MLLT10: variants seen among roughly 807,000 people sequenced by gnomAD.
The protein encoded by MLLT10 is MLLT10 histone lysine methyltransferase DOT1L cofactor.
MLLT10 carries 30 observed loss-of-function variants against 129.1 expected under a neutral mutation model. The ratio of observed to expected loss-of-function variants is 0.23; its 90% confidence interval spans 0.17 to 0.32. MLLT10 has a LOEUF of 0.32. MLLT10 is among the 10% of genes least tolerant of loss of function. The pLI, the probability that MLLT10 is intolerant of heterozygous loss-of-function variation, is 1.00. For synonymous variants in MLLT10, 490 were observed against 446.4 expected (o/e 1.10, Z -1.23); for missense variants, 1,119 against 1,268.3 (o/e 0.88, Z 1.79).
At chr10:21,670,377 T>C in intron 9 of MLLT10, 72 bp from the exon 10 acceptor site, 1 of 1,406,640 alleles carries the variant, frequency 7.1e-7, no homozygotes, top group Non-Finnish European at 9.6e-7. Context: ...CTTATTAATG[T>C]GGCACCCATT....
At chr10:21,535,460 C>CA (rs2033790717) in intron 2 of MLLT10, among the ~76,000 whole-genome samples, 2 of 152,048 alleles carry the variant, frequency 1.3e-5, no homozygotes, top group Admixed American at 1.3e-4. Context: ...GGGGCTGCTG[C>CA]AGCGCCTGTG....
At chr10:21,688,551 CT>C (rs1268330033) in intron 13 of MLLT10, 9 of 1,608,188 alleles carry the variant, frequency 5.6e-6, no homozygotes, top group Non-Finnish European at 5.1e-6. Flanking sequence ...ATGTACCAAA[CT>C]CCAGCATGGT....
At chr10:21,582,286 T>G (rs1363890304) in intron 3 of MLLT10, among the ~76,000 whole-genome samples, 2 of 151,814 alleles carry the variant, frequency 1.3e-5, no homozygotes, top group African/African-American at 4.8e-5. Flanking sequence ...TGCAGCTAAT[T>G]TTTTTGTGTT....
At chr10:21,624,201 C>G (rs1272179686) in intron 8 of MLLT10, among the ~76,000 whole-genome samples, 2 of 152,080 alleles carry the variant, frequency 1.3e-5, no homozygotes, top group Non-Finnish European at 2.9e-5. Flanking sequence ...ATAGCACTAG[C>G]TTGTATTTTT....
At chr10:21,641,552 A>G (rs563748974) in intron 8 of MLLT10, among the ~76,000 whole-genome samples, 1 of 152,278 alleles carries the variant, frequency 6.6e-6, no homozygotes, top group South Asian at 2.1e-4. Flanking sequence ...GCTACTCCGG[A>G]GGCTGAGGTG....
intron 8 of MLLT10, among the ~76,000 whole-genome samples, chr10:21,639,099 A>C (rs1433919439): frequency 6.6e-6 from 1 of 152,176 alleles, no homozygotes; most frequent in South Asian, 2.1e-4. Flanking sequence ...CATACCCCTA[A>C]CAGCATTATA....
At chr10:21,584,843 C>CAT (rs567580758) in intron 3 of MLLT10, among the ~76,000 whole-genome samples, 1 of 150,808 alleles carries the variant, frequency 6.6e-6, no homozygotes, top group Non-Finnish European at 1.5e-5. Context: ...TACATACACA[C>CAT]ATATATATAC....
At position 21,733,924 on chromosome 10, in the gene MLLT10, G is replaced by T; in HGVS notation, c.2653G>T (p.Val885Leu). Residue 885 changes from valine to leucine, a missense_variant, in exon 20 of 23, where the codon GTA becomes TTA. Transcript: ENST00000307729. Reference protein sequence around the residue: ...VGALASGMQPVTSTIPAVSAV... With the variant: ...VGALASGMQPLTSTIPAVSAV... Reference sequence around the variant, plus strand: ...GGCACTAGCTAGTGGAATGCAGCCTGTAACTTCCACCATTCCTGCCGTGTC... The same window carrying T: ...GGCACTAGCTAGTGGAATGCAGCCTTTAACTTCCACCATTCCTGCCGTGTC... The T allele has an allele frequency of 6.2e-7, 1 of 1,614,170 alleles. No homozygotes were observed. Among genetic ancestry groups the T allele is most frequent in the Non-Finnish European group, 8.5e-7 (1 of 1,180,038 alleles).
chr10:21,587,887 A>C (rs966143065), intron 4 of MLLT10, among the ~76,000 whole-genome samples: 4 of 152,212 alleles, frequency 2.6e-5, no homozygotes, highest in Admixed American at 1.3e-4. Flanking sequence ...TTTTCCTGCT[A>C]CTATGTAATA....
At chr10:21,738,609 C>G (rs745854640) in intron 21 of MLLT10, 74 of 1,183,202 alleles carry the variant, frequency 6.3e-5, no homozygotes, top group Non-Finnish European at 7.6e-5. Context: ...GACACTCTTG[C>G]TTGACTCTGC....
chr10:21,562,490 A>G (rs181189183), intron 3 of MLLT10, among the ~76,000 whole-genome samples: 70 of 151,856 alleles, frequency 4.6e-4, no homozygotes, highest in African/African-American at 1.7e-3. Context: ...GGTGCCCGCC[A>G]TCACGCCCGG....
chr10:21,624,856 C>G (rs533432431), intron 8 of MLLT10: 534 of 1,113,956 alleles, frequency 4.8e-4, no homozygotes, highest in Admixed American at 7.9e-4. Flanking sequence ...GCAGGACCCC[C>G]TCTGCCACCC....
intron 13 of MLLT10, among the ~76,000 whole-genome samples, chr10:21,712,509 AATTTATTT>A (rs952606113): frequency 6.6e-6 from 1 of 152,068 alleles, no homozygotes; most frequent in Non-Finnish European, 1.5e-5. Flanking sequence ...TACAGTTGCT[AATTTATTT>A]ATTTATTTCT....
intron 8 of MLLT10, among the ~76,000 whole-genome samples, chr10:21,628,188 G>A (rs567251199): frequency 6.6e-6 from 1 of 152,118 alleles, no homozygotes; most frequent in Non-Finnish European, 1.5e-5. Flanking sequence ...AGGTTTTATT[G>A]TATGGGAACA....
At chr10:21,558,608 A>T (rs1167759894) in intron 3 of MLLT10, among the ~76,000 whole-genome samples, 1 of 150,680 alleles carries the variant, frequency 6.6e-6, no homozygotes, top group Non-Finnish European at 1.5e-5. Flanking sequence ...CTGGTCTTGA[A>T]CTCCTGGCCT....
At chr10:21,586,498 T>C (rs2041999381) in intron 4 of MLLT10, 150 bp downstream of exon 4, 6 of 726,030 alleles carry the variant, frequency 8.3e-6, no homozygotes, top group East Asian at 2.7e-5. Flanking sequence ...TAAATCCTTA[T>C]TGTATTGACC....
intron 3 of MLLT10, among the ~76,000 whole-genome samples, chr10:21,559,228 C>G (rs1434429158): frequency 1.3e-5 from 2 of 152,178 alleles, no homozygotes; most frequent in Non-Finnish European, 2.9e-5. Flanking sequence ...GGACTACAGG[C>G]ATCCGCCACC....
intron 13 of MLLT10, among the ~76,000 whole-genome samples, chr10:21,704,345 CTCTCTCTCTCTCTATATATA>C (rs1479428465): frequency 2.3e-4 from 14 of 59,796 alleles, no homozygotes; most frequent in Non-Finnish European, 4.4e-4. Context: ...CTCTCTCTCT[CTCTCTCTCTCTCTATATATA>C]TATATATATA....
At chr10:21,597,530 CA>C (rs1327192312) in intron 5 of MLLT10, among the ~76,000 whole-genome samples, 2 of 152,104 alleles carry the variant, frequency 1.3e-5, no homozygotes. Flanking sequence ...CCACCACATC[CA>C]GCTAATTTTT....
Sources: gnomAD v4.1 joint callset for allele counts (sites outside exome capture counted in the v4.1 genomes callset) on GRCh38, gnomAD v4.1.1 for gene constraint, MANE v1.5 for transcripts, NCBI Gene and HGNC (gene_info 2026-07-23, HGNC 2026-07-21) for gene names.